The following NUP133 variants were observed in gnomAD, a reference collection of about 807,000 sequenced individuals.
The protein encoded by NUP133 is nucleoporin 133.
A neutral mutation model predicts 146.2 loss-of-function variants in NUP133; 66 were observed. The ratio of observed to expected loss-of-function variants is 0.45; its 90% CI spans 0.37 to 0.55. NUP133 has a LOEUF of 0.55. NUP133 is among the 20% of genes least tolerant of loss of function. The pLI is 0.00. For synonymous variants in NUP133, 521 were observed against 498.8 expected, an observed-to-expected ratio of 1.04 and a Z score of -0.59; for missense variants, 1,277 against 1,374.8, an observed-to-expected ratio of 0.93 and a Z score of 1.12.
intron 17 of NUP133, 132 bp from the exon 18 acceptor site, chr1:229,465,007 C>T (rs1044834305): frequency 6.9e-6 from 7 of 1,018,678 alleles, no homozygotes; most frequent in African/African-American, 4.8e-5. Flanking sequence ...TCAGGTGATA[C>T]CTGTCAATGC....
intron 9 of NUP133, among the ~76,000 whole-genome samples, chr1:229,488,448 G>T (rs1661417302): frequency 2.6e-5 from 4 of 152,006 alleles, no homozygotes; most frequent in African/African-American, 7.2e-5. Context: ...TGTTATTAAA[G>T]AAGTAATTTT....
intron 20 of NUP133, 101 bp from the exon 21 acceptor site, chr1:229,458,397 T>C: frequency 8.6e-7 from 1 of 1,156,202 alleles, no homozygotes; most frequent in South Asian, 1.6e-5. Context: ...CTAAGCCGTA[T>C]CAATGAATGA....
chr1:229,504,035 G>A (rs1334651283), intron 2 of NUP133, among the ~76,000 whole-genome samples: 3 of 151,986 alleles, frequency 2.0e-5, no homozygotes. Flanking sequence ...AAGGTTAGTA[G>A]TTGTCTGAAA....
rs1020335196 is a variant in NUP133 at position 229,495,584 on chromosome 1, A to T, written c.976-19T>A. 5 of 1,532,470 alleles carry T rather than the reference A, an allele frequency of 3.3e-6. No homozygotes were observed. Among genetic ancestry groups the T allele is most frequent in the Non-Finnish European group, 4.5e-6 (5 of 1,107,316 alleles). The allele number at this position is 1,532,470 out of a possible 1,614,324, so 94.9% of individuals were successfully genotyped here. A position where few individuals can be genotyped will look rare whatever the true frequency, so the allele number is the denominator to read the frequency against. ...CAGATCCCTACATGAAAATATCAAT[A>T]ATGTAAGCTTCTCAAGTGCAGGAAT... On this transcript the variant is annotated intron_variant, in intron 7 of 25. Transcript: ENST00000261396.
At chr1:229,481,045 A>G (rs1262833369) in intron 12 of NUP133, among the ~76,000 whole-genome samples, 1 of 152,014 alleles carries the variant, frequency 6.6e-6, no homozygotes, top group Non-Finnish European at 1.5e-5. Context: ...AGGCACCACA[A>G]TTCTGTTTGT....
chr1:229,500,504 G>A (rs778039210), intron 4 of NUP133, among the ~76,000 whole-genome samples: 12 of 152,056 alleles, frequency 7.9e-5, no homozygotes, highest in East Asian at 3.9e-4. Flanking sequence ...AAAAATCATC[G>A]TCAAAAACCA....
At chr1:229,469,790 A>G (rs1454052510) in intron 15 of NUP133, among the ~76,000 whole-genome samples, 2 of 152,250 alleles carry the variant, frequency 1.3e-5, no homozygotes, top group African/African-American at 4.8e-5. Flanking sequence ...GAGCCCATTC[A>G]GGAAGGCCAC....
chr1:229,485,260 G>A (rs1011840471), intron 11 of NUP133, among the ~76,000 whole-genome samples: 6 of 152,208 alleles, frequency 3.9e-5, no homozygotes, highest in African/African-American at 1.2e-4. Flanking sequence ...CCGCTGACAG[G>A]AGATGAGGCC....
chr1:229,507,976 G>A (rs1390179891), intron 1 of NUP133, 92 bp downstream of exon 1: 3 of 1,315,584 alleles, frequency 2.3e-6, no homozygotes, highest in Non-Finnish European at 2.9e-6. Context: ...CCGCCGCCCC[G>A]GTTCCAAAGG....
chr1:229,481,068 T>A (rs1661200049), intron 12 of NUP133, among the ~76,000 whole-genome samples: 1 of 152,040 alleles, frequency 6.6e-6, no homozygotes, highest in African/African-American at 2.4e-5. Flanking sequence ...GGAGTCTACA[T>A]CTTTAAGAGA....
chr1:229,490,635 C>T (rs966382224), intron 8 of NUP133, among the ~76,000 whole-genome samples: 22 of 152,062 alleles, frequency 1.4e-4, no homozygotes, highest in African/African-American at 4.8e-4. Context: ...TTGATTGTTA[C>T]GGTTAAATGA....
chr1:229,476,856 G>A (rs1421995566), intron 13 of NUP133, among the ~76,000 whole-genome samples: 1 of 151,130 alleles, frequency 6.6e-6, no homozygotes, highest in Non-Finnish European at 1.5e-5. Flanking sequence ...CCCAGGAGGT[G>A]GAGGTTGCAG....
intron 2 of NUP133, among the ~76,000 whole-genome samples, chr1:229,504,155 CTGTTAT>C (rs1390542947): frequency 1.3e-5 from 2 of 151,550 alleles, no homozygotes; most frequent in African/African-American, 2.4e-5. Flanking sequence ...TTTTTTTTTA[CTGTTAT>C]TAAGTTATAC....
chr1:229,504,453 A>G (rs923695048), intron 2 of NUP133, among the ~76,000 whole-genome samples: 1 of 152,188 alleles, frequency 6.6e-6, no homozygotes, highest in Non-Finnish European at 1.5e-5. Context: ...CCAACTGCTC[A>G]TCTTTAAAGT....
chr1:229,477,494 T>C, intron 13 of NUP133, 103 bp downstream of exon 13: 6 of 833,426 alleles, frequency 7.2e-6, no homozygotes, highest in Non-Finnish European at 1.0e-5. Context: ...TGAATTAATA[T>C]TAAATTGTTT....
chr1:229,491,777 CA>C (rs1209171042), intron 8 of NUP133, among the ~76,000 whole-genome samples: 3 of 148,728 alleles, frequency 2.0e-5, no homozygotes, highest in Non-Finnish European at 4.5e-5. Flanking sequence ...GACTCTAACT[CA>C]AAAAAAAAAT....
intron 25 of NUP133, among the ~76,000 whole-genome samples, chr1:229,444,117 G>A (rs546048512): frequency 1.2e-4 from 19 of 152,038 alleles, no homozygotes; most frequent in African/African-American, 4.6e-4. Context: ...CAGATCACGA[G>A]GTCAGGAGTT....
At chr1:229,506,821 T>TAAAA (rs373882093) in intron 1 of NUP133, among the ~76,000 whole-genome samples, 17 of 131,238 alleles carry the variant, frequency 1.3e-4, no homozygotes, top group African/African-American at 3.5e-4. Context: ...CCTGTCTCTT[T>TAAAA]AAAAAAAAAA....
At chr1:229,456,641 A>G (rs1457326510) in intron 21 of NUP133, among the ~76,000 whole-genome samples, 2 of 152,144 alleles carry the variant, frequency 1.3e-5, no homozygotes, top group African/African-American at 4.8e-5. Flanking sequence ...AGAAACCAAC[A>G]TATGGAACTA....
Sources: allele counts gnomAD v4.1 joint callset (sites outside exome capture counted in the v4.1 genomes callset), GRCh38; gene constraint gnomAD v4.1.1; transcripts MANE v1.5; gene names NCBI Gene and HGNC (gene_info 2026-07-23, HGNC 2026-07-21).